ZFHX3: variants seen among roughly 807,000 people sequenced by gnomAD.
ZFHX3 encodes zinc finger homeobox protein 3.
Under a neutral mutation model 279.1 loss-of-function variants are expected in ZFHX3, and 42 were observed. That is an observed-to-expected ratio of 0.15 (90% CI 0.12 to 0.19). The LOEUF (loss-of-function observed/expected upper bound fraction) is 0.19. Among genes scored for constraint, ZFHX3 ranks in the 10% least tolerant of loss-of-function variants. The probability of loss-of-function intolerance (pLI) is 1.00; values close to 1 mark genes in which losing one functional copy is unlikely to be tolerated. For missense variants in ZFHX3, 4,981 were observed against 4,754.0 expected, an observed-to-expected ratio of 1.05 and a Z score of -1.40; for synonymous variants, 2,293 against 1,957.8, an observed-to-expected ratio of 1.17 and a Z score of -4.52.
chr16:73,617,913 T>G (rs968206244), intron 2 of ZFHX3, among the ~76,000 whole-genome samples: 2 of 152,214 alleles, frequency 1.3e-5, no homozygotes, highest in Non-Finnish European at 2.9e-5. Context: ...ATAATGTCCT[T>G]GTCATCTCAC....
intron 1 of ZFHX3, among the ~76,000 whole-genome samples, chr16:73,747,637 G>A (rs1288571217): frequency 6.6e-6 from 1 of 152,072 alleles, no homozygotes; most frequent in Non-Finnish European, 1.5e-5. Flanking sequence ...AACATTTCCT[G>A]AGAGACATCT....
intron 1 of ZFHX3, among the ~76,000 whole-genome samples, chr16:73,739,095 C>T: frequency 6.6e-6 from 1 of 152,190 alleles, no homozygotes; most frequent in East Asian, 1.9e-4. Context: ...CTTTGCCTGG[C>T]CTCACTATTC....
At chr16:73,151,382 T>C (rs1966937816) in intron 5 of ZFHX3, among the ~76,000 whole-genome samples, 2 of 151,954 alleles carry the variant, frequency 1.3e-5, no homozygotes, top group South Asian at 2.1e-4. Flanking sequence ...GGCTTCCTCG[T>C]TGGGAAAGGA....
rs1035346419 is a variant in ZFHX3 at position 73,024,143 on chromosome 16, A to T, written c.-50+23609T>A. 6.6e-5 allele frequency among the ~76,000 whole-genome samples: 10 copies of T among 152,338 alleles called. No individual in the cohort carries two copies. In the South Asian group the frequency reaches 2.1e-3, roughly 32 times the overall value. On this transcript the variant is annotated intron_variant, in intron 1 of 9. Transcript: ENST00000268489. ...ACTGGAGACAAGGTAAAGTCCACAG[A>T]GCCCCCTCATCTCACATCCACACAG...
At chr16:73,205,936 A>T (rs2011785169) in intron 5 of ZFHX3, among the ~76,000 whole-genome samples, 1 of 152,242 alleles carries the variant, frequency 6.6e-6, no homozygotes, top group African/African-American at 2.4e-5. Flanking sequence ...GCAGACAGTT[A>T]TACAATTTAC....
chr16:72,918,600 T>C (rs1308009284), intron 3 of ZFHX3, among the ~76,000 whole-genome samples: 1 of 151,980 alleles, frequency 6.6e-6, no homozygotes, highest in African/African-American at 2.4e-5. Flanking sequence ...ACATAAAGGA[T>C]GGGCTTTATG....
intron 1 of ZFHX3, among the ~76,000 whole-genome samples, chr16:73,799,781 T>A (rs934320836): frequency 7.2e-5 from 11 of 152,196 alleles, no homozygotes; most frequent in Non-Finnish European, 1.2e-4. Context: ...CTGTGAAGAA[T>A]GTGGGAGACA....
rs972411296 is a variant in ZFHX3, at chr16:73,305,367, AGGTGGTCATTGCCCT to A, written c.-1194+12858_-1194+12872del. On this transcript the variant is annotated intron_variant, in intron 4 of 17. Transcript: ENST00000641206. ...AGAAATCTGTTCACAAACATCAGTTAGGTGGTCATTGCCCTGGTAAGATACCGGGCAATCAGTCCA... is the reference window on the plus strand; with the variant it reads ...AGAAATCTGTTCACAAACATCAGTTAGGTAAGATACCGGGCAATCAGTCCA... Among the ~76,000 whole-genome samples, 52 of 152,322 alleles carry A rather than the reference AGGTGGTCATTGCCCT, an allele frequency of 3.4e-4. 1 individual carries two copies. The highest frequency in any genetic ancestry group is 3.4e-3 in the Middle Eastern group (1 of 294).
chr16:73,695,039 G>A (rs763842860), intron 1 of ZFHX3, among the ~76,000 whole-genome samples: 4 of 152,194 alleles, frequency 2.6e-5, no homozygotes, highest in African/African-American at 4.8e-5. Flanking sequence ...GAGGCACAGC[G>A]CTGCCTCCTT....
chr16:73,076,351 A>G (rs1450814304), intron 8 of ZFHX3, among the ~76,000 whole-genome samples: 1 of 152,198 alleles, frequency 6.6e-6, no homozygotes, highest in Non-Finnish European at 1.5e-5. Context: ...AGTACTGGGA[A>G]GTGGAGCAAT....
chr16:73,497,567 G>C (rs1397694938), intron 2 of ZFHX3, among the ~76,000 whole-genome samples: 2 of 152,300 alleles, frequency 1.3e-5, no homozygotes, highest in African/African-American at 2.4e-5. Context: ...CCACTCAGGA[G>C]GCTGAGGCAG....
intron 4 of ZFHX3, among the ~76,000 whole-genome samples, chr16:72,833,268 T>C (rs2037108122): frequency 6.6e-6 from 1 of 152,226 alleles, no homozygotes. Flanking sequence ...CCTTGTTCTC[T>C]TTAGGAATGT....
intron 3 of ZFHX3, among the ~76,000 whole-genome samples, chr16:73,449,661 G>C (rs955388275): frequency 2.0e-5 from 3 of 152,142 alleles, no homozygotes; most frequent in Admixed American, 6.5e-5. Context: ...TTGAGAACAA[G>C]ATGACAAATA....
intron 2 of ZFHX3, among the ~76,000 whole-genome samples, chr16:73,535,564 G>C (rs947426666): frequency 4.6e-5 from 7 of 152,170 alleles, no homozygotes; most frequent in African/African-American, 1.7e-4. Context: ...CATGAGGACA[G>C]GGTAGTAGGA....
chr16:73,868,188 T>C (rs1962077222), intron 1 of ZFHX3, among the ~76,000 whole-genome samples: 1 of 152,226 alleles, frequency 6.6e-6, no homozygotes, highest in Non-Finnish European at 1.5e-5. Flanking sequence ...GAAAACCTGA[T>C]GGTGAAATCT....
chr16:72,979,425 G>A (rs1379913553), intron 1 of ZFHX3, among the ~76,000 whole-genome samples: 1 of 152,186 alleles, frequency 6.6e-6, no homozygotes, highest in Non-Finnish European at 1.5e-5. Flanking sequence ...GACCTCCACA[G>A]GCCATTTCGC....
In ZFHX3 at chr16:73,758,418, A is replaced by T. The variant is rs78189905; in HGVS notation, c.-1607-78178T>A. On this transcript the variant is annotated intron_variant, in intron 1 of 17. Coordinates refer to the ZFHX3 transcript ENST00000641206. ...TTCAGTCTTCTTTGAAGATAATACA[A>T]CTAAACTCTGTTAGGAGATGTGCAA... is the stretch of plus-strand genomic sequence containing the variant. Among the ~76,000 whole-genome samples, 484 of 152,312 alleles carry T rather than the reference A, an allele frequency of 3.2e-3. 3 individuals carry two copies. Among genetic ancestry groups the T allele is most frequent in the Non-Finnish European group, 5.2e-3 (357 of 68,036 alleles).
At chr16:73,527,797 C>T (rs2019721060) in intron 2 of ZFHX3, among the ~76,000 whole-genome samples, 1 of 152,142 alleles carries the variant, frequency 6.6e-6, no homozygotes, top group African/African-American at 2.4e-5. Context: ...CCACCAGTCA[C>T]GTGTGTGAAC....
intron 4 of ZFHX3, among the ~76,000 whole-genome samples, chr16:73,281,012 A>G (rs555547102): frequency 2.2e-4 from 20 of 92,896 alleles, no homozygotes; most frequent in Non-Finnish European, 3.6e-4. Context: ...AATGAAGGGA[A>G]AGGAGAGGAG....
Sources: allele counts gnomAD v4.1 joint callset (sites outside exome capture counted in the v4.1 genomes callset), GRCh38; gene constraint gnomAD v4.1.1; transcripts MANE v1.5; gene names NCBI Gene and HGNC (gene_info 2026-07-23, HGNC 2026-07-21).